Variants in RANBP17 observed in about 807,000 individuals in gnomAD.
RANBP17 encodes the protein ran-binding protein 17.
A neutral mutation model predicts 141.2 loss-of-function variants in RANBP17; 158 were observed. The ratio of observed to expected loss-of-function variants is 1.12; its 90% CI spans 0.98 to 1.28. RANBP17 has a LOEUF of 1.28. RANBP17 is among the 50% of genes most tolerant of loss of function. The probability of loss-of-function intolerance (pLI) is 0.00; values close to 1 mark genes in which losing one functional copy is unlikely to be tolerated. For missense variants in RANBP17, 1,438 were observed against 1,290.7 expected, an observed-to-expected ratio of 1.11 and a Z score of -1.75; for synonymous variants, 430 against 450.0, an observed-to-expected ratio of 0.96 and a Z score of 0.56.
intron 14 of RANBP17, among the ~76,000 whole-genome samples, chr5:171,082,949 G>C (rs375280136): frequency 4.0e-5 from 6 of 151,330 alleles, no homozygotes; most frequent in East Asian, 3.9e-4. Flanking sequence ...AATCGTAGTT[G>C]CCTCTCCTAT....
intron 14 of RANBP17, among the ~76,000 whole-genome samples, chr5:171,091,453 C>T (rs1255396225): frequency 1.3e-5 from 2 of 152,168 alleles, no homozygotes; most frequent in African/African-American, 4.8e-5. Flanking sequence ...GGTCTTGTCT[C>T]CTCTTGGATG....
chr5:171,081,312 T>A (rs1345015923), intron 14 of RANBP17, among the ~76,000 whole-genome samples: 1 of 152,180 alleles, frequency 6.6e-6, no homozygotes, highest in Non-Finnish European at 1.5e-5. Flanking sequence ...AAGAGCTACA[T>A]CATGGTCATT....
At chr5:170,920,741 C>T (rs1029076888) in intron 11 of RANBP17, among the ~76,000 whole-genome samples, 1 of 152,164 alleles carries the variant, frequency 6.6e-6, no homozygotes, top group Non-Finnish European at 1.5e-5. Context: ...TGTTTCTCCA[C>T]ATCCTCTCCA....
At chr5:171,258,786 C>T (rs1766090828) in intron 24 of RANBP17, among the ~76,000 whole-genome samples, 1 of 151,934 alleles carries the variant, frequency 6.6e-6, no homozygotes, top group South Asian at 2.1e-4. Flanking sequence ...TAGAAGAAAA[C>T]CTAGGGAAAA....
In RANBP17 at chr5:171,009,049, G is replaced by A. The variant is rs536905417; in HGVS notation, c.1710+40672G>A. On this transcript the variant is annotated intron_variant, in intron 14 of 27. Transcript: ENST00000523189. Reference sequence around the variant, plus strand: ...TGTTCATTTCAATGCCATGGCTTGGGCATGTTATCTCCAAGCTATTTAATG... The same window carrying A: ...TGTTCATTTCAATGCCATGGCTTGGACATGTTATCTCCAAGCTATTTAATG... Among the ~76,000 whole-genome samples, 3 of 152,236 alleles carry A rather than the reference G, an allele frequency of 2.0e-5. No homozygotes were observed. The East Asian group carries it at 5.8e-4, about 29-fold the overall frequency.
intron 18 of RANBP17, among the ~76,000 whole-genome samples, chr5:171,196,178 C>T (rs74421649): frequency 6.6e-6 from 1 of 151,978 alleles, no homozygotes; most frequent in Non-Finnish European, 1.5e-5. Context: ...AGTGATGTGG[C>T]GGGAGGGGAA....
At chr5:171,037,578 T>C (rs1217245360) in intron 14 of RANBP17, among the ~76,000 whole-genome samples, 3 of 152,160 alleles carry the variant, frequency 2.0e-5, no homozygotes, top group Non-Finnish European at 4.4e-5. Context: ...TGAGGTCTTA[T>C]ATTAAAATCT....
chr5:171,252,682 G>C (rs1410405980), intron 24 of RANBP17: 2 of 1,450,868 alleles, frequency 1.4e-6, no homozygotes, highest in African/African-American at 2.8e-5. Context: ...TAACACTTCA[G>C]GTGATGCCAC....
intron 12 of RANBP17, among the ~76,000 whole-genome samples, chr5:170,937,984 G>A (rs10062796): frequency 0.64 from 97,621 of 151,796 alleles, 32,084 homozygotes; most frequent in South Asian, 0.9. Flanking sequence ...CAGTAAGTAC[G>A]TGAAATTTCT....
In RANBP17 at chr5:171,015,607, TCTC is replaced by T. The variant is rs1378652016; in HGVS notation, c.1710+47231_1710+47233del. On this transcript the variant is annotated intron_variant, in intron 14 of 27. Coordinates refer to ENST00000523189, the MANE Select transcript of RANBP17 (RefSeq NM_022897.5). ...AATTTAATAATCTGTAAATTTTTCT[TCTC>T]TTTGCATGCCTAGTAATTTTTATAT... is the stretch of plus-strand genomic sequence containing the variant. 9.2e-5 allele frequency among the ~76,000 whole-genome samples: 14 copies of T among 152,182 alleles called. No individual in the cohort carries two copies. In the South Asian group the frequency reaches 2.5e-3, roughly 27 times the overall value.
At chr5:171,091,823 GCCT>G (rs1400126532) in intron 14 of RANBP17, among the ~76,000 whole-genome samples, 2 of 152,134 alleles carry the variant, frequency 1.3e-5, no homozygotes, top group Admixed American at 6.5e-5. Context: ...TGATTGTGAG[GCCT>G]CCTCAGCCAC....
In RANBP17 at chr5:171,214,280, T is replaced by C. The variant is rs529637149; in HGVS notation, c.2339+542T>C. On this transcript the variant is annotated intron_variant, in intron 21 of 27. Coordinates refer to ENST00000523189, the MANE Select transcript of RANBP17 (RefSeq NM_022897.5). ...ATGATTTATACACTCACAGTTTTCA[T>C]TGAGAGAGCAACTATAATACTTCTC... Among the ~76,000 whole-genome samples, 10 of 152,338 alleles carry C rather than the reference T, an allele frequency of 6.6e-5. No homozygotes were observed. The South Asian group carries it at 2.1e-3, about 32-fold the overall frequency.
At chr5:171,059,038 A>T in intron 14 of RANBP17, among the ~76,000 whole-genome samples, 1 of 143,094 alleles carries the variant, frequency 7.0e-6, no homozygotes. Flanking sequence ...AATTTGTTTG[A>T]GTTCATTGTA....
intron 14 of RANBP17, among the ~76,000 whole-genome samples, chr5:170,998,463 T>TGTTAAATA (rs1778982163): frequency 6.6e-6 from 1 of 152,202 alleles, no homozygotes; most frequent in Admixed American, 6.5e-5. Context: ...GTGGTTAGAC[T>TGTTAAATA]CTACATTGTC....
intron 14 of RANBP17, among the ~76,000 whole-genome samples, chr5:171,041,975 T>C (rs1342682122): frequency 2.0e-5 from 3 of 152,090 alleles, no homozygotes; most frequent in Non-Finnish European, 2.9e-5. Flanking sequence ...CTCCCACTTA[T>C]AAGTGAGAAT....
chr5:171,293,082 A>G (rs746583235), intron 25 of RANBP17, among the ~76,000 whole-genome samples: 1 of 152,148 alleles, frequency 6.6e-6, no homozygotes, highest in Non-Finnish European at 1.5e-5. Flanking sequence ...ATTTATAATG[A>G]ACTCTTTAAA....
intron 13 of RANBP17, among the ~76,000 whole-genome samples, chr5:170,954,545 C>CACACACACA (rs70982314): frequency 1.4e-5 from 2 of 138,706 alleles, no homozygotes; most frequent in South Asian, 4.6e-4. Flanking sequence ...CACACACACA[C>CACACACACA]CCCAACCCCA....
intron 14 of RANBP17, among the ~76,000 whole-genome samples, chr5:170,972,422 G>A (rs1283585242): frequency 6.6e-6 from 1 of 152,014 alleles, no homozygotes; most frequent in Non-Finnish European, 1.5e-5. Flanking sequence ...GACCTCAGGT[G>A]ATCCACCCAC....
At chr5:171,110,221 CTT>C (rs1755129036) in intron 14 of RANBP17, among the ~76,000 whole-genome samples, 1 of 151,988 alleles carries the variant, frequency 6.6e-6, no homozygotes, top group Non-Finnish European at 1.5e-5. Context: ...TATTTATACT[CTT>C]AGGCTTCGGT....
Sources: allele counts gnomAD v4.1 joint callset (sites outside exome capture counted in the v4.1 genomes callset), GRCh38; gene constraint gnomAD v4.1.1; transcripts MANE v1.5; gene names NCBI Gene and HGNC (gene_info 2026-07-23, HGNC 2026-07-21).